Variants in EYS observed in about 807,000 individuals in gnomAD.
EYS encodes EGF-like photoreceptor maintenance factor, also known as protein eyes shut homolog.
A neutral mutation model predicts 282.1 loss-of-function variants in EYS; 250 were observed. The observed-to-expected ratio is 0.89, with a 90% CI of 0.80 to 0.98. The LOEUF (loss-of-function observed/expected upper bound fraction) is 0.98. Among genes scored for constraint, EYS ranks in the 50% least tolerant of loss-of-function variants. EYS has a pLI of 0.00. For missense variants in EYS, 4,016 were observed against 3,709.0 expected (o/e 1.08, Z -2.15); for synonymous variants, 1,355 against 1,282.9 (o/e 1.06, Z -1.20).
At chr6:64,643,249 A>C (rs1016618564) in intron 22 of EYS, among the ~76,000 whole-genome samples, 2 of 152,136 alleles carry the variant, frequency 1.3e-5, no homozygotes, top group Non-Finnish European at 2.9e-5. Context: ...TTGGCATCTA[A>C]ATTTAGATAT....
intron 22 of EYS, among the ~76,000 whole-genome samples, chr6:64,684,147 A>G (rs1770001530): frequency 6.6e-6 from 1 of 152,206 alleles, no homozygotes; most frequent in South Asian, 2.1e-4. Flanking sequence ...AATATCTTGT[A>G]TTCTATACAA....
chr6:64,334,741 C>T (rs1770779610), intron 29 of EYS, among the ~76,000 whole-genome samples: 1 of 152,130 alleles, frequency 6.6e-6, no homozygotes, highest in South Asian at 2.1e-4. Flanking sequence ...TTGTGGAAAG[C>T]TTAATTCAAT....
At chr6:65,071,993 T>A (rs1280094976) in intron 12 of EYS, among the ~76,000 whole-genome samples, 2 of 151,832 alleles carry the variant, frequency 1.3e-5, no homozygotes, top group African/African-American at 4.8e-5. Flanking sequence ...GCCTCCAGAC[T>A]ATAAGATAAT....
intron 35 of EYS, among the ~76,000 whole-genome samples, chr6:63,944,466 G>T (rs1765333610): frequency 6.6e-6 from 1 of 152,084 alleles, no homozygotes. Flanking sequence ...TTAAAAAATT[G>T]ACAGATAATT....
chr6:64,693,906 G>T (rs1160350349), intron 22 of EYS, among the ~76,000 whole-genome samples: 3 of 152,056 alleles, frequency 2.0e-5, no homozygotes, highest in Admixed American at 6.6e-5. Flanking sequence ...TCACATATAT[G>T]TATTACATTT....
At chr6:64,411,543 G>A (rs1213302643) in intron 28 of EYS, among the ~76,000 whole-genome samples, 1 of 152,060 alleles carries the variant, frequency 6.6e-6, no homozygotes, top group Non-Finnish European at 1.5e-5. Flanking sequence ...TCACAAAGCA[G>A]TTTAAATATA....
chr6:64,493,695 A>G (rs1776803802), intron 26 of EYS, among the ~76,000 whole-genome samples: 1 of 151,498 alleles, frequency 6.6e-6, no homozygotes, highest in African/African-American at 2.4e-5. Context: ...CATGTGCACA[A>G]CGTGCAGGTT....
chr6:65,534,417 G>C (rs1326688701), intron 2 of EYS, among the ~76,000 whole-genome samples: 1 of 152,074 alleles, frequency 6.6e-6, no homozygotes, highest in African/African-American at 2.4e-5. Context: ...TTGAAAGTAA[G>C]AGAATGACCA....
chr6:63,888,773 C>G (rs2149723266), intron 35 of EYS, among the ~76,000 whole-genome samples: 1 of 152,332 alleles, frequency 6.6e-6, no homozygotes, highest in Middle Eastern at 3.4e-3. Flanking sequence ...GGGCACAAAA[C>G]TGGATGGAGA....
At chr6:63,978,524 G>T (rs528851338) in intron 35 of EYS, among the ~76,000 whole-genome samples, 2 of 152,096 alleles carry the variant, frequency 1.3e-5, no homozygotes, top group Non-Finnish European at 2.9e-5. Context: ...ATCTGAAATA[G>T]GCTCTTTTTT....
chr6:64,848,285 TG>T (rs1295602764), intron 19 of EYS, among the ~76,000 whole-genome samples: 23 of 152,040 alleles, frequency 1.5e-4, no homozygotes, highest in Non-Finnish European at 2.9e-4. Context: ...AATAATATTA[TG>T]TTTTTTTATA....
chr6:65,606,770 G>T (rs926481409), intron 2 of EYS, among the ~76,000 whole-genome samples: 3 of 151,710 alleles, frequency 2.0e-5, no homozygotes, highest in Non-Finnish European at 4.4e-5. Flanking sequence ...ATCTAAACAT[G>T]AATTAAACAA....
chr6:64,333,721 C>A, intron 29 of EYS, among the ~76,000 whole-genome samples: 1 of 152,266 alleles, frequency 6.6e-6, no homozygotes, highest in South Asian at 2.1e-4. Flanking sequence ...GTTTAAGTTA[C>A]CCCAATGCAA....
At chr6:64,887,512 C>G (rs1255601619) in intron 18 of EYS, among the ~76,000 whole-genome samples, 2 of 151,942 alleles carry the variant, frequency 1.3e-5, no homozygotes, top group Non-Finnish European at 2.9e-5. Flanking sequence ...GCAAAAATAT[C>G]TCTTCATAGT....
intron 23 of EYS, among the ~76,000 whole-genome samples, chr6:64,620,581 A>C (rs537399637): frequency 1.3e-5 from 2 of 152,338 alleles, no homozygotes; most frequent in African/African-American, 4.8e-5. Flanking sequence ...CTGAGTGTCA[A>C]TCATACCCAT....
At chr6:65,544,080 C>T (rs908374959) in intron 2 of EYS, among the ~76,000 whole-genome samples, 5 of 151,392 alleles carry the variant, frequency 3.3e-5, no homozygotes, top group Non-Finnish European at 5.9e-5. Context: ...GACCTCTTTA[C>T]AGACCCTATA....
At chr6:64,287,731 C>T (rs751572782) in intron 30 of EYS, among the ~76,000 whole-genome samples, 6 of 152,154 alleles carry the variant, frequency 3.9e-5, no homozygotes, top group Non-Finnish European at 7.4e-5. Context: ...TATATCTTCA[C>T]TGTCCTCCAG....
chr6:65,472,615 T>G (rs1765256036), intron 5 of EYS, among the ~76,000 whole-genome samples: 1 of 151,986 alleles, frequency 6.6e-6, no homozygotes, highest in Non-Finnish European at 1.5e-5. Flanking sequence ...AAATATAAAG[T>G]GTCTTATTTG....
chr6:65,701,730 T>C (rs1465653261), intron 1 of EYS, among the ~76,000 whole-genome samples: 1 of 152,214 alleles, frequency 6.6e-6, no homozygotes, highest in African/African-American at 2.4e-5. Context: ...ATCTTTGTTG[T>C]CTAATTTGTC....
Sources: gnomAD v4.1 joint callset for allele counts (sites outside exome capture counted in the v4.1 genomes callset) on GRCh38, gnomAD v4.1.1 for gene constraint, MANE v1.5 for transcripts, NCBI Gene and HGNC (gene_info 2026-07-23, HGNC 2026-07-21) for gene names.